Variants in XXYLT1 observed in about 807,000 individuals in gnomAD.
XXYLT1 encodes the protein xyloside xylosyltransferase 1, also known as UDP-xylose:alpha-xyloside alpha-1,3-xylosyltransferase.
A neutral mutation model predicts 28.9 loss-of-function variants in XXYLT1; 20 were observed. The ratio of observed to expected loss-of-function variants is 0.69; its 90% CI spans 0.49 to 1.00. The LOEUF (loss-of-function observed/expected upper bound fraction) is 1.00, where lower values mean the gene tolerates loss of function less well. Among genes scored for constraint, XXYLT1 ranks in the 50% least tolerant of loss-of-function variants. The pLI, the probability that XXYLT1 is intolerant of heterozygous loss-of-function variation, is 0.00. For missense variants in XXYLT1, 542 were observed against 560.1 expected (o/e 0.97, Z 0.33); for synonymous variants, 257 against 253.8 (o/e 1.01, Z -0.12).
intron 2 of XXYLT1, among the ~76,000 whole-genome samples, chr3:195,223,638 C>T (rs779947363): frequency 3.3e-4 from 50 of 152,204 alleles, no homozygotes; most frequent in Admixed American, 2.0e-3. Context: ...CAAGACAGCA[C>T]GAATGATGTC....
At chr3:195,119,648 T>C (rs1408685636) in intron 3 of XXYLT1, among the ~76,000 whole-genome samples, 2 of 128,044 alleles carry the variant, frequency 1.6e-5, no homozygotes, top group African/African-American at 2.9e-5. Context: ...GACAATGAGC[T>C]GGATGCCCCC....
chr3:195,084,318 C>A (rs1248631187), intron 3 of XXYLT1, among the ~76,000 whole-genome samples: 1 of 152,094 alleles, frequency 6.6e-6, no homozygotes. Flanking sequence ...AGGCTGCTCC[C>A]TGCCCCAGGG....
At chr3:195,089,146 C>A (rs1715987089) in intron 3 of XXYLT1, among the ~76,000 whole-genome samples, 1 of 150,370 alleles carries the variant, frequency 6.7e-6, no homozygotes, top group African/African-American at 2.4e-5. Context: ...GCAAGGCAGG[C>A]CAACGTTCAG....
chr3:195,102,361 A>G (rs1371984420), intron 3 of XXYLT1, among the ~76,000 whole-genome samples: 1 of 152,148 alleles, frequency 6.6e-6, no homozygotes, highest in Non-Finnish European at 1.5e-5. Context: ...CTCATGTCAC[A>G]CATGAACCCT....
intron 3 of XXYLT1, among the ~76,000 whole-genome samples, chr3:195,105,641 T>C (rs1322257517): frequency 6.6e-6 from 1 of 152,258 alleles, no homozygotes; most frequent in Non-Finnish European, 1.5e-5. Flanking sequence ...CCCTGAATGC[T>C]GCAGCCAAGT....
chr3:195,198,086 C>T (rs988434734), intron 2 of XXYLT1, among the ~76,000 whole-genome samples: 2 of 152,254 alleles, frequency 1.3e-5, no homozygotes, highest in Non-Finnish European at 2.9e-5. Flanking sequence ...CCAATAACCA[C>T]TCAACTGAGG....
intron 2 of XXYLT1, among the ~76,000 whole-genome samples, chr3:195,186,866 T>C (rs1267809255): frequency 6.6e-6 from 1 of 151,002 alleles, no homozygotes; most frequent in Non-Finnish European, 1.5e-5. Context: ...TCCACGGACC[T>C]GGGCCCTCTA....
chr3:195,186,620 C>T (rs1722207134), intron 2 of XXYLT1, among the ~76,000 whole-genome samples: 1 of 152,038 alleles, frequency 6.6e-6, no homozygotes, highest in Admixed American at 6.6e-5. Flanking sequence ...AACAATCCCC[C>T]CCCACACACC....
At chr3:195,122,773 G>A (rs373466365) in intron 3 of XXYLT1, among the ~76,000 whole-genome samples, 24 of 152,226 alleles carry the variant, frequency 1.6e-4, no homozygotes, top group African/African-American at 5.1e-4. Context: ...GACAGCGGGG[G>A]CGACACGCTC....
At position 195,115,063 on chromosome 3, in the gene XXYLT1, T is replaced by C. The variant is rs1032016787; in HGVS notation, c.785+41386A>G. Among the ~76,000 whole-genome samples, 5 of 152,248 alleles carry C rather than the reference T, an allele frequency of 3.3e-5. No individual in the cohort carries two copies. Among genetic ancestry groups the C allele is most frequent in the African/African-American group, 1.2e-4 (5 of 41,466 alleles). ...AGTTGGCTCCTCCCAAACCTCCCGT[T>C]GATCCTCCTCCTATTGAGAGGTTGG... is the stretch of plus-strand genomic sequence containing the variant. On this transcript the variant is annotated intron_variant, in intron 3 of 3. Coordinates refer to ENST00000310380, the MANE Select transcript of XXYLT1 (RefSeq NM_152531.5). This position sits in a 1 kb window ranked among gnomAD's most constrained non-coding sequence, Gnocchi z 4.2.
chr3:195,134,864 T>TGCGC (rs1387321527), intron 3 of XXYLT1, among the ~76,000 whole-genome samples: 8 of 93,124 alleles, frequency 8.6e-5, no homozygotes, highest in African/African-American at 2.6e-4. Context: ...TGTGTGTGTG[T>TGCGC]GTGTGCGTGT....
At chr3:195,109,058 C>A (rs1341581093) in intron 3 of XXYLT1, among the ~76,000 whole-genome samples, 1 of 152,198 alleles carries the variant, frequency 6.6e-6, no homozygotes, top group Non-Finnish European at 1.5e-5. Context: ...GCAGTGAATT[C>A]TCAGGAAAGT....
At chr3:195,136,249 C>T (rs76326750) in intron 3 of XXYLT1, among the ~76,000 whole-genome samples, 2,244 of 152,288 alleles carry the variant, frequency 0.015, 26 homozygotes, top group Non-Finnish European at 0.023. Context: ...CAAACGCCAA[C>T]GTAGGACCCT....
At chr3:195,070,632 A>G (rs73074234) in intron 3 of XXYLT1, among the ~76,000 whole-genome samples, 2,102 of 152,302 alleles carry the variant, frequency 0.014, 28 homozygotes, top group African/African-American at 0.032. Context: ...AGGAGAAGGG[A>G]GAGAGAAGCA....
chr3:195,078,975 T>C lies in XXYLT1; in HGVS notation c.786-8864A>G, dbSNP rs951024464. On this transcript the variant is annotated intron_variant, in intron 3 of 3. Coordinates refer to ENST00000310380, the MANE Select transcript of XXYLT1 (RefSeq NM_152531.5). The surrounding 1 kb of genome is among the most constrained non-coding windows in gnomAD (Gnocchi z 5.0). ...GACCAGACGCACTCTGCTCCAGTGATGGGAACTGAGATCCCTCTCTGGCGG... is the reference window on the plus strand; with the variant it reads ...GACCAGACGCACTCTGCTCCAGTGACGGGAACTGAGATCCCTCTCTGGCGG... 3.3e-5 allele frequency among the ~76,000 whole-genome samples: 5 copies of C among 152,166 alleles called. No individual in the cohort carries two copies. Among genetic ancestry groups the C allele is most frequent in the Admixed American group, 6.5e-5 (1 of 15,268 alleles).
intron 2 of XXYLT1, among the ~76,000 whole-genome samples, chr3:195,208,869 G>A (rs980577555): frequency 3.7e-4 from 56 of 152,114 alleles, no homozygotes; most frequent in Non-Finnish European, 6.0e-4. Flanking sequence ...CCAGCAGGGG[G>A]CTTGCAAGAG....
At chr3:195,170,917 T>A (rs1721373857) in intron 2 of XXYLT1, among the ~76,000 whole-genome samples, 1 of 151,128 alleles carries the variant, frequency 6.6e-6, no homozygotes, top group African/African-American at 2.4e-5. Flanking sequence ...AAGAGCAGCC[T>A]CAGAAATAGG....
At chr3:195,192,349 C>G (rs993051764) in intron 2 of XXYLT1, among the ~76,000 whole-genome samples, 5 of 151,476 alleles carry the variant, frequency 3.3e-5, no homozygotes, top group Non-Finnish European at 7.4e-5. Flanking sequence ...TGCTTGAACC[C>G]AGGAAGCAGA....
chr3:195,159,420 T>G (rs1577092763), intron 2 of XXYLT1, among the ~76,000 whole-genome samples: 1 of 152,154 alleles, frequency 6.6e-6, no homozygotes, highest in East Asian at 1.9e-4. Flanking sequence ...GCTCCTGTGT[T>G]TATTAGCCCC....
Sources: gnomAD v4.1 joint callset for allele counts (sites outside exome capture counted in the v4.1 genomes callset) on GRCh38, gnomAD v4.1.1 for gene constraint, Gnocchi (gnomAD v3.1) non-coding constraint, MANE v1.5 for transcripts, NCBI Gene and HGNC (gene_info 2026-07-23, HGNC 2026-07-21) for gene names.